Variants in PHKB observed in about 807,000 individuals in gnomAD.
PHKB encodes the protein phosphorylase b kinase regulatory subunit beta.
In PHKB, 122 loss-of-function variants were observed where a neutral mutation model predicts 152.1. The ratio of observed to expected loss-of-function variants is 0.80; its 90% CI spans 0.69 to 0.93. PHKB has a LOEUF of 0.93. PHKB is among the 40% of genes least tolerant of loss of function. PHKB has a pLI of 0.00. For missense variants in PHKB, 1,304 were observed against 1,328.4 expected (o/e 0.98, Z 0.29); for synonymous variants, 436 against 464.9 (o/e 0.94, Z 0.80).
intron 20 of PHKB, 91 bp from the exon 21 acceptor site, chr16:47,660,415 A>G (rs932146272): frequency 2.8e-5 from 27 of 970,188 alleles, no homozygotes; most frequent in Non-Finnish European, 4.5e-5. Flanking sequence ...TTTTTGAAGT[A>G]TTACTTAATT....
intron 13 of PHKB, among the ~76,000 whole-genome samples, chr16:47,596,816 C>T (rs1008882026): frequency 2.0e-5 from 3 of 152,034 alleles, no homozygotes; most frequent in African/African-American, 4.8e-5. Flanking sequence ...ATTATAGAAA[C>T]TTTGAGTTAC....
intron 1 of PHKB, among the ~76,000 whole-genome samples, chr16:47,469,539 G>C (rs1437239197): frequency 1.3e-5 from 2 of 152,068 alleles, no homozygotes; most frequent in Admixed American, 1.3e-4. Flanking sequence ...CTAAGTGGGA[G>C]CTAAACATTG....
intron 12 of PHKB, among the ~76,000 whole-genome samples, chr16:47,594,518 G>T (rs1174610220): frequency 1.3e-5 from 2 of 152,130 alleles, no homozygotes; most frequent in Non-Finnish European, 2.9e-5. Flanking sequence ...CACCAAAAAT[G>T]CTATAGTCAG....
chr16:47,529,970 T>C (rs1338596265), intron 6 of PHKB: 2 of 152,114 alleles, frequency 1.3e-5, no homozygotes, highest in Non-Finnish European at 2.9e-5. Context: ...TAAAACATAT[T>C]TGGCAAAGAA....
intron 7 of PHKB, among the ~76,000 whole-genome samples, chr16:47,551,802 T>G (rs1971275182): frequency 6.6e-6 from 1 of 152,216 alleles, no homozygotes; most frequent in African/African-American, 2.4e-5. Context: ...TGTCTAATAT[T>G]GACAGTCGGG....
At chr16:47,603,223 G>A (rs1019650976) in intron 13 of PHKB, among the ~76,000 whole-genome samples, 1 of 152,154 alleles carries the variant, frequency 6.6e-6, no homozygotes, top group Non-Finnish European at 1.5e-5. Flanking sequence ...AGGATAGCAC[G>A]TGGTTTTCTT....
At chr16:47,682,129 C>T (rs571933717) in intron 26 of PHKB, among the ~76,000 whole-genome samples, 10 of 152,278 alleles carry the variant, frequency 6.6e-5, no homozygotes, top group South Asian at 6.2e-4. Context: ...CCAAGAGATC[C>T]GCTGTTAGTC....
chr16:47,683,531 G>A (rs757528424), intron 26 of PHKB, among the ~76,000 whole-genome samples: 1 of 152,204 alleles, frequency 6.6e-6, no homozygotes, highest in Non-Finnish European at 1.5e-5. Context: ...CTAGCAATCA[G>A]CGAGACTCCG....
intron 8 of PHKB, among the ~76,000 whole-genome samples, chr16:47,583,707 A>T (rs13332058): frequency 0.12 from 18,234 of 152,238 alleles, 2,391 homozygotes; most frequent in African/African-American, 0.33. Context: ...AACCAGGAGT[A>T]AAACCAATGC....
chr16:47,648,480 G>A, intron 16 of PHKB, 53 bp from the exon 17 acceptor site: 2 of 1,210,718 alleles, frequency 1.7e-6, no homozygotes, highest in South Asian at 1.2e-5. Context: ...TCAGGGGTGA[G>A]AAAGTGACAT....
At chr16:47,654,696 G>A (rs1026949966) in intron 20 of PHKB, among the ~76,000 whole-genome samples, 4 of 151,544 alleles carry the variant, frequency 2.6e-5, no homozygotes, top group African/African-American at 4.9e-5. Context: ...GCAAACTATC[G>A]CAAGGACGGA....
chr16:47,468,838 T>A (rs1650495488), intron 1 of PHKB, among the ~76,000 whole-genome samples: 2 of 152,212 alleles, frequency 1.3e-5, no homozygotes, highest in Admixed American at 1.3e-4. Flanking sequence ...CTCTGTAGTA[T>A]AGCTTTTTAG....
At chr16:47,665,153 A>C in intron 25 of PHKB, 178 bp downstream of exon 25, 1 of 605,412 alleles carries the variant, frequency 1.7e-6, no homozygotes, top group Non-Finnish European at 2.9e-6. Flanking sequence ...TTAGTCATCT[A>C]TGTTGAAATT....
Position 47,650,263 on chromosome 16 carries a change from T to TA in PHKB, c.1798-273dup, listed in dbSNP as rs1199175746. On this transcript the variant is annotated intron_variant, in intron 18 of 30. Transcript: ENST00000323584. ...ATAAACAAATAAATAGATTAACATT[T>TA]AAAAAAAAGAGGGGGAAAACACATT... 4.6e-5 allele frequency among the ~76,000 whole-genome samples: 7 copies of TA among 151,944 alleles called. No individual in the cohort carries two copies. The East Asian group carries it at 1.2e-3, about 25-fold the overall frequency.
At chr16:47,645,513 C>G (rs1228488163) in intron 16 of PHKB, among the ~76,000 whole-genome samples, 38 of 130,442 alleles carry the variant, frequency 2.9e-4, no homozygotes, top group East Asian at 8.9e-4. Flanking sequence ...TGTCAAAGAT[C>G]AGATAGTTGT....
chr16:47,632,148 A>G (rs1041204786), intron 14 of PHKB, among the ~76,000 whole-genome samples: 2 of 152,206 alleles, frequency 1.3e-5, no homozygotes, highest in Admixed American at 1.3e-4. Flanking sequence ...ATCTTTTCTT[A>G]TAATAGTCCT....
intron 7 of PHKB, among the ~76,000 whole-genome samples, chr16:47,558,155 G>A (rs1333739745): frequency 6.8e-6 from 1 of 147,854 alleles, no homozygotes; most frequent in South Asian, 2.1e-4. Flanking sequence ...AACACTGCAT[G>A]TTCTCACTCA....
intron 6 of PHKB, among the ~76,000 whole-genome samples, chr16:47,530,702 A>T (rs1170213050): frequency 6.6e-6 from 1 of 152,220 alleles, no homozygotes; most frequent in Non-Finnish European, 1.5e-5. Flanking sequence ...AACTAGTCAG[A>T]AAATTGGTCT....
chr16:47,506,027 CAAA>C (rs1198434467), intron 4 of PHKB, among the ~76,000 whole-genome samples: 5 of 50,258 alleles, frequency 9.9e-5, no homozygotes, highest in Admixed American at 4.6e-4. Flanking sequence ...GAAACTGTCT[CAAA>C]AAAAAAAAAA....
Sources: gnomAD v4.1 joint callset for allele counts (sites outside exome capture counted in the v4.1 genomes callset) on GRCh38, gnomAD v4.1.1 for gene constraint, MANE v1.5 for transcripts, NCBI Gene and HGNC (gene_info 2026-07-23, HGNC 2026-07-21) for gene names.